ARSG: variants seen among roughly 807,000 people sequenced by gnomAD.
The protein encoded by ARSG is ASG.
A neutral mutation model predicts 50.5 loss-of-function variants in ARSG; 37 were observed. That is an observed-to-expected ratio of 0.73 (90% CI 0.56 to 0.96). The LOEUF is 0.96. Ranked by LOEUF, ARSG falls within the 50% of genes least tolerant of loss-of-function variation. ARSG has a pLI of 0.00. For missense variants in ARSG, 629 were observed against 675.3 expected (o/e 0.93, Z 0.76); for synonymous variants, 225 against 254.6 (o/e 0.88, Z 1.11).
At chr17:68,363,499 C>T (rs186598638) in intron 6 of ARSG, among the ~76,000 whole-genome samples, 3 of 151,860 alleles carry the variant, frequency 2.0e-5, no homozygotes, top group Admixed American at 2.0e-4. Context: ...TGGAGTTTTG[C>T]TCTCGTTGCC....
At chr17:68,408,117 A>G (rs1568589182) in intron 11 of ARSG, among the ~76,000 whole-genome samples, 1 of 151,220 alleles carries the variant, frequency 6.6e-6, no homozygotes, top group Non-Finnish European at 1.5e-5. Flanking sequence ...CACTCTCTAC[A>G]TATTTCTTTT....
chr17:68,319,861 A>G (rs900389767), intron 2 of ARSG, among the ~76,000 whole-genome samples: 10 of 152,204 alleles, frequency 6.6e-5, no homozygotes, highest in African/African-American at 2.4e-4. Context: ...AGGTAGATGT[A>G]TCTGAATTGA....
chr17:68,385,646 G>A (rs1430967189), intron 9 of ARSG, among the ~76,000 whole-genome samples: 1 of 152,086 alleles, frequency 6.6e-6, no homozygotes, highest in East Asian at 1.9e-4. Context: ...CCTGAGTGAA[G>A]AAGGGATTGG....
Position 68,367,902 on chromosome 17 carries a change from C to G in ARSG, c.705-646C>G, listed in dbSNP as rs1457887422. ...CCTAGCCAACGTAGCAAAACCCCAT[C>G]TCTACTAAAAATACAAAATTAGACG... On this transcript the variant is annotated intron_variant, in intron 6 of 11. Coordinates refer to ENST00000621439, the MANE Select transcript of ARSG (RefSeq NM_001267727.2). The surrounding 1 kb of genome is among the most constrained non-coding windows in gnomAD (Gnocchi z 4.5). Among the ~76,000 whole-genome samples, 2 of 152,170 alleles carry G rather than the reference C, an allele frequency of 1.3e-5. No individual in the cohort carries two copies. The highest frequency in any genetic ancestry group is 2.9e-5 in the Non-Finnish European group (2 of 68,024).
At chr17:68,447,984 C>CAAAAAAAA in the ARSG span, among the ~76,000 whole-genome samples, 1 of 80,276 alleles carries the variant, frequency 1.2e-5, no homozygotes, top group Non-Finnish European at 2.5e-5. Flanking sequence ...GACTCTATCT[C>CAAAAAAAA]AAAAAAAAAA....
At chr17:68,417,824 A>G (rs8064738) in intron 11 of ARSG, among the ~76,000 whole-genome samples, 118,292 of 144,700 alleles carry the variant, frequency 0.82, 48,389 homozygotes, top group African/African-American at 0.91. Flanking sequence ...CTCGGCTCCC[A>G]GGTTCACGTG....
At chr17:68,427,352 C>G (rs1409913090), downstream of ARSG, 4 of 893,374 alleles carry the variant, frequency 4.5e-6, no homozygotes, top group East Asian at 9.9e-5. Context: ...GTGCTCAGCT[C>G]TGTGGGTTAT....
At chr17:68,376,294 T>TTTTTG in intron 8 of ARSG, among the ~76,000 whole-genome samples, 1 of 143,910 alleles carries the variant, frequency 6.9e-6, no homozygotes, top group South Asian at 2.2e-4. Flanking sequence ...TTTTTTTTTC[T>TTTTTG]GAGATAGGGT....
At chr17:68,272,028 C>T (rs1555749090) in intron 1 of ARSG, among the ~76,000 whole-genome samples, 1 of 152,110 alleles carries the variant, frequency 6.6e-6, no homozygotes, top group Non-Finnish European at 1.5e-5. Context: ...GTCTCGATCT[C>T]CTGACCTCCT....
the ARSG span, among the ~76,000 whole-genome samples, chr17:68,442,648 G>A: frequency 1.3e-5 from 2 of 152,046 alleles, no homozygotes; most frequent in Non-Finnish European, 2.9e-5. Context: ...CTGCATGCCC[G>A]ATGTCCCTCC....
At chr17:68,339,214 C>T (rs1173285470) in intron 2 of ARSG, among the ~76,000 whole-genome samples, 2 of 152,096 alleles carry the variant, frequency 1.3e-5, no homozygotes, top group South Asian at 2.1e-4. Context: ...AGAAGAATCG[C>T]TTGAACCTGG....
In ARSG at chr17:68,378,067, C is replaced by G. The variant is rs2080239556; in HGVS notation, c.983-6997C>G. Among the ~76,000 whole-genome samples, 1 of 152,206 alleles carries G rather than the reference C, an allele frequency of 6.6e-6. No homozygotes were observed. Among genetic ancestry groups the G allele is most frequent in the Non-Finnish European group, 1.5e-5 (1 of 68,046 alleles). ...TCCTTCTTCCTCTCTGCCTGGAATGCTGCTGGAGCTCTGGGAAGCCAGGCA... is the reference window on the plus strand; with the variant it reads ...TCCTTCTTCCTCTCTGCCTGGAATGGTGCTGGAGCTCTGGGAAGCCAGGCA... On this transcript the variant is annotated intron_variant, in intron 8 of 11. Coordinates refer to ENST00000621439, the MANE Select transcript of ARSG (RefSeq NM_001267727.2). The surrounding 1 kb of genome is among the most constrained non-coding windows in gnomAD (Gnocchi z 4.4).
At chr17:68,421,243 C>A, downstream of ARSG, 1 of 141,768 alleles carries the variant, frequency 7.1e-6, no homozygotes, top group Admixed American at 7.6e-5. Flanking sequence ...TCCCCTATAA[C>A]CACAAGGAAA....
chr17:68,269,053 C>A, intron 1 of ARSG: 1 of 1,589,264 alleles, frequency 6.3e-7, no homozygotes, highest in Non-Finnish European at 8.6e-7. Context: ...CCCACCCCAT[C>A]CCTCTCCAGC....
intron 11 of ARSG, among the ~76,000 whole-genome samples, chr17:68,417,523 G>A (rs1161285132): frequency 6.6e-6 from 1 of 151,864 alleles, no homozygotes; most frequent in African/African-American, 2.4e-5. Flanking sequence ...TCATCTCTCA[G>A]ACTTGTCCAC....
chr17:68,320,753 G>T (rs2077251233), intron 2 of ARSG, among the ~76,000 whole-genome samples: 1 of 152,116 alleles, frequency 6.6e-6, no homozygotes, highest in Non-Finnish European at 1.5e-5. Context: ...TACCAGGATG[G>T]CCCACCTGGG....
chr17:68,319,036 C>T (rs1440247188), intron 2 of ARSG, among the ~76,000 whole-genome samples: 1 of 152,180 alleles, frequency 6.6e-6, no homozygotes, highest in Admixed American at 6.5e-5. Flanking sequence ...AAGATGCGAA[C>T]CAGGTTGGCA....
chr17:68,445,522 C>T, the ARSG span, among the ~76,000 whole-genome samples: 1 of 152,172 alleles, frequency 6.6e-6, no homozygotes, highest in African/African-American at 2.4e-5. Flanking sequence ...ATTTGAACAC[C>T]CCAGTGCCCC....
At chr17:68,379,997 G>T in intron 8 of ARSG, 2 of 420,654 alleles carry the variant, frequency 4.8e-6, no homozygotes, top group Non-Finnish European at 6.4e-6. Flanking sequence ...ATGGGTCCAC[G>T]TAATACATGA....
Sources: allele counts gnomAD v4.1 joint callset (sites outside exome capture counted in the v4.1 genomes callset), GRCh38; gene constraint gnomAD v4.1.1; non-coding constraint Gnocchi (gnomAD v3.1); transcripts MANE v1.5; gene names NCBI Gene and HGNC (gene_info 2026-07-23, HGNC 2026-07-21).